The following NAALADL2 variants were observed in gnomAD, a reference collection of about 807,000 sequenced individuals.
NAALADL2 encodes the protein N-acetylated alpha-linked acidic dipeptidase like 2.
NAALADL2 carries 76 observed loss-of-function variants against 87.2 expected under a neutral mutation model. The observed-to-expected ratio is 0.87, with a 90% CI of 0.72 to 1.05. NAALADL2 has a LOEUF of 1.05. Ranked by LOEUF, NAALADL2 falls within the 50% of genes least tolerant of loss-of-function variation. The pLI is 0.00. For synonymous variants in NAALADL2, 354 were observed against 331.0 expected (o/e 1.07, Z -0.75); for missense variants, 1,089 against 945.8 (o/e 1.15, Z -1.99).
chr3:174,847,589 A>T (rs933875169), intron 3 of NAALADL2, among the ~76,000 whole-genome samples: 3 of 152,188 alleles, frequency 2.0e-5, no homozygotes, highest in Non-Finnish European at 4.4e-5. Flanking sequence ...TGATAGTGAG[A>T]TAGTGAGAGA....
At chr3:175,064,290 C>T (rs1316024176) in intron 1 of NAALADL2, among the ~76,000 whole-genome samples, 1 of 150,162 alleles carries the variant, frequency 6.7e-6, no homozygotes, top group African/African-American at 2.5e-5. Context: ...ACCAAGACAA[C>T]AGGTTCAAAC....
intron 4 of NAALADL2, among the ~76,000 whole-genome samples, chr3:175,270,425 A>G (rs1235179947): frequency 2.0e-5 from 3 of 152,194 alleles, no homozygotes; most frequent in African/African-American, 7.2e-5. Context: ...CTGATTTTTT[A>G]TATTTTTATC....
At chr3:174,830,178 T>G (rs1246952900) in intron 3 of NAALADL2, among the ~76,000 whole-genome samples, 4 of 138,030 alleles carry the variant, frequency 2.9e-5, no homozygotes, top group African/African-American at 8.3e-5. Context: ...GTTTTAGACA[T>G]GAAGTCCTTG....
chr3:174,928,021 A>G (rs2108397173), intron 1 of NAALADL2, among the ~76,000 whole-genome samples: 1 of 152,322 alleles, frequency 6.6e-6, no homozygotes, highest in East Asian at 1.9e-4. Context: ...TCTTATTTTT[A>G]TGTATTTTTC....
At chr3:174,602,412 T>C (rs533500684) in intron 2 of NAALADL2, among the ~76,000 whole-genome samples, 46 of 152,228 alleles carry the variant, frequency 3.0e-4, no homozygotes, top group African/African-American at 1.0e-3. Context: ...TTTTTCAGAT[T>C]GTTGACTGTT....
At chr3:174,700,876 A>G (rs964846991) in intron 2 of NAALADL2, among the ~76,000 whole-genome samples, 2 of 152,186 alleles carry the variant, frequency 1.3e-5, no homozygotes, top group Admixed American at 1.3e-4. Flanking sequence ...TGCTGACCTC[A>G]GGGAGAGGGA....
chr3:175,221,543 G>C (rs1014804800), intron 2 of NAALADL2, among the ~76,000 whole-genome samples: 1 of 151,066 alleles, frequency 6.6e-6, no homozygotes, highest in Non-Finnish European at 1.5e-5. Flanking sequence ...AGAGGAGTTT[G>C]GTAAAATTTC....
At chr3:175,692,446 G>T (rs1737181913) in intron 11 of NAALADL2, among the ~76,000 whole-genome samples, 1 of 152,012 alleles carries the variant, frequency 6.6e-6, no homozygotes, top group African/African-American at 2.4e-5. Flanking sequence ...CCATTGTGTG[G>T]CAATTCTGGA....
At chr3:175,105,355 T>C (rs886900118) in intron 2 of NAALADL2, among the ~76,000 whole-genome samples, 1 of 151,996 alleles carries the variant, frequency 6.6e-6, no homozygotes, top group Non-Finnish European at 1.5e-5. Context: ...ATCTTCTTGA[T>C]AAGGCTTCAT....
In NAALADL2 at chr3:175,308,883, T is replaced by C. The variant is rs545580007; in HGVS notation, c.940-15292T>C. ...TCTTTCTAATTAGTGAAATTCTTTC[T>C]GTTCTTAATTGAATTCTGTACATGA... On this transcript the variant is annotated intron_variant, in intron 4 of 13. Transcript: ENST00000454872. 2.6e-5 allele frequency among the ~76,000 whole-genome samples: 4 copies of C among 152,322 alleles called. No homozygotes were observed. The East Asian group carries it at 7.7e-4, about 29-fold the overall frequency.
rs1473150419 is a variant in NAALADL2, at chr3:175,133,012, G to A, written c.545+35721G>A. Among the ~76,000 whole-genome samples, 48 of 151,476 alleles carry A rather than the reference G, an allele frequency of 3.2e-4. No homozygotes were observed. The East Asian group carries it at 7.6e-3, about 24-fold the overall frequency. ...CGCTCCTCACCTCCCAGACGGAGTC[G>A]CAGCCAGGTAGAGGCACTCCCCACA... On this transcript the variant is annotated intron_variant, in intron 2 of 13. Transcript: ENST00000454872.
At chr3:175,227,696 ATTTT>A (rs901834020) in intron 2 of NAALADL2, among the ~76,000 whole-genome samples, 44 of 152,090 alleles carry the variant, frequency 2.9e-4, no homozygotes, top group African/African-American at 9.9e-4. Context: ...AAATCTATTT[ATTTT>A]AACATTCTAA....
At chr3:174,666,134 A>G (rs9856791) in intron 2 of NAALADL2, among the ~76,000 whole-genome samples, 6,363 of 152,284 alleles carry the variant, frequency 0.042, 482 homozygotes, top group African/African-American at 0.14. Context: ...CTAGAAAAAC[A>G]TAATACACAC....
At chr3:175,397,660 A>T (rs1281975520) in intron 5 of NAALADL2, among the ~76,000 whole-genome samples, 1 of 152,148 alleles carries the variant, frequency 6.6e-6, no homozygotes, top group Non-Finnish European at 1.5e-5. Context: ...TGATTTCTGG[A>T]TAGAAAGATT....
chr3:175,132,382 C>T (rs1301504455), intron 2 of NAALADL2, among the ~76,000 whole-genome samples: 16 of 71,796 alleles, frequency 2.2e-4, no homozygotes, highest in South Asian at 1.1e-3. Flanking sequence ...CCAGTAGGGG[C>T]GGCCGGGCAG....
At chr3:174,564,509 A>G (rs1714003491) in intron 2 of NAALADL2, among the ~76,000 whole-genome samples, 1 of 152,150 alleles carries the variant, frequency 6.6e-6, no homozygotes, top group Non-Finnish European at 1.5e-5. Context: ...AGTGATGTAC[A>G]TGAAATTAAT....
intron 2 of NAALADL2, among the ~76,000 whole-genome samples, chr3:174,605,350 G>A (rs1414159775): frequency 3.3e-5 from 5 of 152,184 alleles, no homozygotes; most frequent in African/African-American, 1.2e-4. Flanking sequence ...TGCGCAAGCC[G>A]AAGCAGGACG....
rs1238352007 is a variant in NAALADL2 at position 174,780,525 on chromosome 3, A to C, written c.-9+42779A>C. Among the ~76,000 whole-genome samples, 20 of 152,176 alleles carry C rather than the reference A, an allele frequency of 1.3e-4. 1 individual carries two copies. The highest frequency in any genetic ancestry group is 1.3e-3 in the Admixed American group (20 of 15,264). On this transcript the variant is annotated intron_variant, in intron 3 of 3. Transcript: ENST00000434257. ...CAGAACTTCCAATATTATGTTGAAT[A>C]GGAGTGGTGAGAGAGGCCATCCTTG...
chr3:175,256,380 T>C, intron 3 of NAALADL2, 31 bp from the exon 4 acceptor site: 1 of 1,583,552 alleles, frequency 6.3e-7, no homozygotes, highest in South Asian at 1.2e-5. Context: ...CTCTGAGGCT[T>C]TATTTTTCTT....
Sources: allele counts gnomAD v4.1 joint callset (sites outside exome capture counted in the v4.1 genomes callset), GRCh38; gene constraint gnomAD v4.1.1; transcripts MANE v1.5; gene names NCBI Gene and HGNC (gene_info 2026-07-23, HGNC 2026-07-21).